Variants in PDE11A observed in about 807,000 individuals in gnomAD.
PDE11A encodes dual 3',5'-cyclic-AMP and -GMP phosphodiesterase 11A.
In PDE11A, 100 loss-of-function variants were observed where a neutral mutation model predicts 100.5. That is an observed-to-expected ratio of 1.00 (90% confidence interval 0.85 to 1.18). The LOEUF is 1.18. Among genes scored for constraint, PDE11A ranks in the 50% most tolerant of loss-of-function variants. PDE11A has a pLI of 0.00. For synonymous variants in PDE11A, 381 were observed against 420.8 expected (o/e 0.91, Z 1.16); for missense variants, 1,141 against 1,152.6 (o/e 0.99, Z 0.15).
chr2:178,063,818 A>G (rs2087004572), intron 1 of PDE11A, among the ~76,000 whole-genome samples: 1 of 152,192 alleles, frequency 6.6e-6, no homozygotes, highest in African/African-American at 2.4e-5. Context: ...CATTCTCTCC[A>G]GGGTCGTAAG....
chr2:177,924,998 C>T (rs201984803), intron 2 of PDE11A, among the ~76,000 whole-genome samples: 10 of 149,390 alleles, frequency 6.7e-5, no homozygotes, highest in East Asian at 3.9e-4. Context: ...TTTGTTCTTG[C>T]GATAGTTTAC....
chr2:177,992,898 A>G (rs540874918), intron 2 of PDE11A, among the ~76,000 whole-genome samples: 1 of 152,148 alleles, frequency 6.6e-6, no homozygotes, highest in South Asian at 2.1e-4. Context: ...ATAGCTGGAA[A>G]ACAGATATTC....
chr2:178,001,275 A>AGTGT (rs57136586), intron 2 of PDE11A, among the ~76,000 whole-genome samples: 5,473 of 140,712 alleles, frequency 0.039, 206 homozygotes, highest in African/African-American at 0.1. Flanking sequence ...ACAATGTGAA[A>AGTGT]GTGTGTGTGT....
intron 9 of PDE11A, among the ~76,000 whole-genome samples, chr2:177,814,796 G>A (rs181411826): frequency 2.1e-4 from 32 of 152,276 alleles, no homozygotes; most frequent in South Asian, 4.1e-4. Context: ...AGAAATTCTA[G>A]GGTATATGAG....
chr2:178,000,025 A>T (rs1432396285), intron 2 of PDE11A, among the ~76,000 whole-genome samples: 1 of 152,096 alleles, frequency 6.6e-6, no homozygotes, highest in Non-Finnish European at 1.5e-5. Context: ...TCTCATTTCT[A>T]AATAGAGTAT....
intron 6 of PDE11A, among the ~76,000 whole-genome samples, chr2:177,821,089 T>C (rs539707734): frequency 4.6e-5 from 7 of 152,014 alleles, no homozygotes; most frequent in Admixed American, 3.3e-4. Flanking sequence ...GGATCATGGA[T>C]ATGGAGATAA....
rs1574344035 is a variant in PDE11A, at chr2:178,017,148, T to C, written c.913-2688A>G. Among the ~76,000 whole-genome samples, 2 of 152,264 alleles carry C rather than the reference T, an allele frequency of 1.3e-5. 1 individual carries two copies. The highest frequency in any genetic ancestry group is 1.3e-4 in the Admixed American group (2 of 15,288). Reference sequence around the variant, plus strand: ...AATTTATTCTTTTGAAAAGATTGCATTGCAATTATGCAGAATATAGAAAAG... The same window carrying C: ...AATTTATTCTTTTGAAAAGATTGCACTGCAATTATGCAGAATATAGAAAAG... On this transcript the variant is annotated intron_variant, in intron 1 of 19. Coordinates refer to ENST00000286063, the MANE Select transcript of PDE11A (RefSeq NM_016953.4).
rs374367282 is a variant in PDE11A, at chr2:178,057,818, T to C, written c.912+13708A>G. 2.6e-5 allele frequency among the ~76,000 whole-genome samples: 4 copies of C among 152,238 alleles called. No homozygotes were observed. In the East Asian group the frequency reaches 7.7e-4, roughly 29 times the overall value. On this transcript the variant is annotated intron_variant, in intron 1 of 19. Coordinates refer to ENST00000286063, the MANE Select transcript of PDE11A (RefSeq NM_016953.4). ...TGTCCTACCCTTATGTATGAGAAAA[T>C]GCAAGGACTCTTGGCCTACAAGTGC...
chr2:177,675,854 T>C, intron 16 of PDE11A: 1 of 403,450 alleles, frequency 2.5e-6, no homozygotes, highest in Non-Finnish European at 4.7e-6. Context: ...TGTTGGGTTT[T>C]TTTAAACTAT....
chr2:178,092,595 ATTTC>A (rs1472560753), intron 2 of PDE11A: 1 of 150,290 alleles, frequency 6.7e-6, no homozygotes, highest in Non-Finnish European at 1.5e-5. Context: ...CCAGGGATAT[ATTTC>A]TTTCTTTTTT....
intron 2 of PDE11A, among the ~76,000 whole-genome samples, chr2:177,930,073 C>T (rs2085185337): frequency 6.6e-6 from 1 of 152,094 alleles, no homozygotes; most frequent in Non-Finnish European, 1.5e-5. Flanking sequence ...TTAGATTTCT[C>T]ATTGCTCAAT....
chr2:177,841,250 G>A (rs16865819), intron 5 of PDE11A, among the ~76,000 whole-genome samples: 31,554 of 152,016 alleles, frequency 0.21, 3,362 homozygotes, highest in Middle Eastern at 0.26. Flanking sequence ...GAGCCGTGGA[G>A]ATACAAAATT....
At chr2:177,865,190 A>C (rs1574230673) in intron 5 of PDE11A, among the ~76,000 whole-genome samples, 1 of 152,048 alleles carries the variant, frequency 6.6e-6, no homozygotes, top group Non-Finnish European at 1.5e-5. Context: ...AGGCAGGAGA[A>C]CCACTTGAAC....
intron 2 of PDE11A, among the ~76,000 whole-genome samples, chr2:177,949,284 T>C (rs1463540095): frequency 2.0e-5 from 3 of 152,166 alleles, no homozygotes; most frequent in Non-Finnish European, 2.9e-5. Flanking sequence ...TTTATTTTAA[T>C]TTTACATTAA....
At chr2:177,758,947 A>G (rs1263689447) in intron 10 of PDE11A, among the ~76,000 whole-genome samples, 2 of 152,212 alleles carry the variant, frequency 1.3e-5, no homozygotes, top group Non-Finnish European at 2.9e-5. Flanking sequence ...CTTTTAAATT[A>G]CTGTCTCTGG....
chr2:177,761,841 A>G (rs2082174586), intron 10 of PDE11A, among the ~76,000 whole-genome samples: 1 of 152,238 alleles, frequency 6.6e-6, no homozygotes, highest in East Asian at 1.9e-4. Flanking sequence ...AGTGAGCTGA[A>G]AGTTAGAGTT....
At chr2:177,826,687 C>T (rs995837082) in intron 6 of PDE11A, among the ~76,000 whole-genome samples, 4 of 152,226 alleles carry the variant, frequency 2.6e-5, no homozygotes, top group Admixed American at 6.5e-5. Context: ...ATTCTTAGAA[C>T]TGTGGGACTT....
At chr2:177,949,739 C>A (rs2085484927) in intron 2 of PDE11A, among the ~76,000 whole-genome samples, 1 of 152,198 alleles carries the variant, frequency 6.6e-6, no homozygotes, top group Admixed American at 6.5e-5. Context: ...AACCTAGCCT[C>A]ATCACAGCAC....
chr2:178,045,540 A>C (rs549011440), intron 1 of PDE11A, among the ~76,000 whole-genome samples: 2 of 152,306 alleles, frequency 1.3e-5, no homozygotes, highest in African/African-American at 4.8e-5. Flanking sequence ...GGTGGTTAAG[A>C]GTACAAACTG....
Sources: allele counts gnomAD v4.1 joint callset (sites outside exome capture counted in the v4.1 genomes callset), GRCh38; gene constraint gnomAD v4.1.1; transcripts MANE v1.5; gene names NCBI Gene and HGNC (gene_info 2026-07-23, HGNC 2026-07-21).